ASH2L: variants seen among roughly 807,000 people sequenced by gnomAD.
The protein encoded by ASH2L is ASH2 like, histone lysine methyltransferase complex subunit.
ASH2L carries 30 observed loss-of-function variants against 81.1 expected under a neutral mutation model. The ratio of observed to expected loss-of-function variants is 0.37; its 90% CI spans 0.28 to 0.50. The LOEUF (loss-of-function observed/expected upper bound fraction) is 0.50, where lower values mean the gene tolerates loss of function less well. ASH2L is among the 20% of genes least tolerant of loss of function. ASH2L has a pLI of 0.95. For synonymous variants in ASH2L, 273 were observed against 279.9 expected, an observed-to-expected ratio of 0.98 and a Z score of 0.24; for missense variants, 559 against 792.1, an observed-to-expected ratio of 0.71 and a Z score of 3.53.
intron 12 of ASH2L, among the ~76,000 whole-genome samples, 193 bp downstream of exon 12, chr8:38,129,144 A>G (rs1462276869): frequency 2.0e-5 from 3 of 152,124 alleles, no homozygotes; most frequent in African/African-American, 4.8e-5. Flanking sequence ...CTACCCATCT[A>G]TCATTTGTCT....
intron 5 of ASH2L, among the ~76,000 whole-genome samples, chr8:38,112,624 A>C (rs1810735168): frequency 1.3e-5 from 2 of 152,196 alleles, no homozygotes; most frequent in Admixed American, 1.3e-4. Flanking sequence ...AGACTGTCAC[A>C]TCAGGAGGTA....
At chr8:38,126,398 T>C (rs1801845092) in intron 10 of ASH2L, among the ~76,000 whole-genome samples, 1 of 152,176 alleles carries the variant, frequency 6.6e-6, no homozygotes, top group South Asian at 2.1e-4. Context: ...GAGAAGGGGA[T>C]ATTACTTGGA....
chr8:38,105,538 A>G lies in ASH2L; in HGVS notation c.-13A>G, dbSNP rs764358514. On this transcript the variant is annotated 5_prime_UTR_variant, in exon 1 of 16. Transcript: ENST00000343823. The stretch of plus-strand genomic sequence containing the variant: ...AAGAGAGTATTCTCGCGAGAAGTCC[A>G]GGGGTGGCCGTGATGGCGGCGGCAG... 4.5e-6 allele frequency: 7 copies of G among 1,552,162 alleles called. No individual in the cohort carries two copies. Among genetic ancestry groups the G allele is most frequent in the Non-Finnish European group, 6.1e-6 (7 of 1,147,574 alleles).
At chr8:38,133,676 C>G (rs948059832) in intron 13 of ASH2L, 130 bp downstream of exon 13, 1 of 672,332 alleles carries the variant, frequency 1.5e-6, no homozygotes, top group Non-Finnish European at 2.5e-6. Flanking sequence ...CACTGGCCAG[C>G]GGCAAGCTCA....
chr8:38,120,618 T>TCCCCCCCCCCCCC lies in ASH2L; in HGVS notation c.948-308_948-296dup, dbSNP rs33928804. On this transcript the variant is annotated intron_variant, in intron 9 of 15. Transcript: ENST00000343823. Reference sequence around the variant, plus strand: ...AATCACCCCCATTCCTCTCCTCCCTTCCCCCCCCCCCCCCCCCCGCATAAT... The same window carrying TCCCCCCCCCCCCC: ...AATCACCCCCATTCCTCTCCTCCCTTCCCCCCCCCCCCCCCCCCCCCCCCCCCCCCCGCATAAT... Among the ~76,000 whole-genome samples, 10 of 4,612 alleles carry TCCCCCCCCCCCCC rather than the reference T, an allele frequency of 2.2e-3. 3 individuals are homozygous for TCCCCCCCCCCCCC. The highest frequency in any genetic ancestry group is 8.7e-3 in the Non-Finnish European group (5 of 574). The allele number at this position is 4,612 out of a possible 152,430, so 3.0% of individuals were successfully genotyped here.
At chr8:38,108,419 A>G (rs1810541790) in intron 3 of ASH2L, among the ~76,000 whole-genome samples, 1 of 152,156 alleles carries the variant, frequency 6.6e-6, no homozygotes. Flanking sequence ...GAATCAAATC[A>G]CAGTTCAAAG....
chr8:38,132,245 G>A (rs975327619), intron 12 of ASH2L, among the ~76,000 whole-genome samples: 1 of 152,040 alleles, frequency 6.6e-6, no homozygotes, highest in Non-Finnish European at 1.5e-5. Flanking sequence ...GGGGAAACTG[G>A]GTATAAGGGA....
rs6992721 is a variant in ASH2L at position 38,134,745 on chromosome 8, C to T, written c.1621-923C>T. Among the ~76,000 whole-genome samples the T allele has an allele frequency of 8.7e-3, 1,319 of 152,226 alleles. 27 individuals carry two copies. Among genetic ancestry groups the T allele is most frequent in the African/African-American group, 0.03 (1,229 of 41,540 alleles). Reference sequence around the variant, plus strand: ...GGTGAAATAAAGAAACGAGTTTCAGCTGTTTTTAGGAAAGAAATACTAAAG... The same window carrying T: ...GGTGAAATAAAGAAACGAGTTTCAGTTGTTTTTAGGAAAGAAATACTAAAG... On this transcript the variant is annotated intron_variant, in intron 13 of 15. Coordinates refer to ENST00000343823, the MANE Select transcript of ASH2L (RefSeq NM_004674.5).
chr8:38,130,288 GT>G (rs562730116), intron 12 of ASH2L, among the ~76,000 whole-genome samples: 145 of 53,718 alleles, frequency 2.7e-3, no homozygotes, highest in Non-Finnish European at 3.2e-3. Context: ...GGTATTTTTT[GT>G]TTTTTTTTTT....
chr8:38,136,825 C>T (rs554448416), intron 14 of ASH2L, among the ~76,000 whole-genome samples: 74 of 151,294 alleles, frequency 4.9e-4, no homozygotes, highest in Non-Finnish European at 4.6e-4. Flanking sequence ...GTCGCGGTGG[C>T]TCATGCCTGT....
chr8:38,136,429 G>T (rs190019270), intron 14 of ASH2L, among the ~76,000 whole-genome samples: 106 of 151,276 alleles, frequency 7.0e-4, no homozygotes, highest in Admixed American at 1.1e-3. Flanking sequence ...TATCATTAGG[G>T]CCTGTTGGTT....
chr8:38,136,545 TG>T (rs2130588822), intron 14 of ASH2L, among the ~76,000 whole-genome samples: 1 of 147,982 alleles, frequency 6.8e-6, no homozygotes, highest in South Asian at 2.2e-4. Flanking sequence ...GAGGCCAAGG[TG>T]GGTGGATCAC....
In ASH2L at chr8:38,133,863, C is replaced by T. The variant is rs577326825; in HGVS notation, c.1620+317C>T. On this transcript the variant is annotated intron_variant, in intron 13 of 15. Coordinates refer to ENST00000343823, the MANE Select transcript of ASH2L (RefSeq NM_004674.5). ...TGAGAACGGGCCATGATGACGATGGCGGTTTTGTGGAATAGAAAAGGGGGA... is the reference window on the plus strand; with the variant it reads ...TGAGAACGGGCCATGATGACGATGGTGGTTTTGTGGAATAGAAAAGGGGGA... 1.7e-3 allele frequency among the ~76,000 whole-genome samples: 257 copies of T among 151,864 alleles called. 1 individual carries two copies. The highest frequency in any genetic ancestry group is 3.4e-3 in the Middle Eastern group (1 of 294).
chr8:38,138,906 C>T (rs768677323), intron 15 of ASH2L, 31 bp downstream of exon 15: 1 of 1,613,442 alleles, frequency 6.2e-7, no homozygotes, highest in Non-Finnish European at 8.5e-7. Context: ...CTGCATGTGT[C>T]CTCAGCATCT....
Position 38,107,089 on chromosome 8 carries a change from A to G in ASH2L, c.324A>G (p.Arg108=), listed in dbSNP as rs746275587. The G allele has an allele frequency of 1.9e-6, 3 of 1,614,186 alleles. No homozygotes were observed. The highest frequency in any genetic ancestry group is 1.1e-5 in the South Asian group (1 of 91,084). The part of the protein sequence containing the change: ...QAGSVDEENG[R]QLGEVELQCG... ...GCTCCGTGGATGAAGAGAATGGCCG[A>G]CAGTTGGGTGAGGTAGAGCTGCAAT... The change falls in exon 3 of 16, where the codon CGA becomes CGG. Residue 108 remains arginine (R), a synonymous_variant. Transcript: ENST00000343823.
chr8:38,138,491 C>G (rs1802358418), intron 14 of ASH2L: 1 of 269,232 alleles, frequency 3.7e-6, no homozygotes, highest in Non-Finnish European at 7.0e-6. Flanking sequence ...CTGTAGGTGT[C>G]TGCTTAGCAA....
Position 38,105,574 on chromosome 8 carries a change from T to G in ASH2L, c.24T>G (p.Pro8=). 1 of 1,583,118 alleles carries G rather than the reference T, an allele frequency of 6.3e-7. No individual in the cohort carries two copies. Among genetic ancestry groups the G allele is most frequent in the Non-Finnish European group, 8.6e-7 (1 of 1,163,480 alleles). ...TGATGGCGGCGGCAGGAGCAGGACC[T>G]GGCCAGGAAGCGGGTGCCGGGCCTG... The part of the protein sequence containing the change: MAAAGAG[P]GQEAGAGPGP... The change falls in exon 1 of 16, where the codon CCT becomes CCG. Residue 8 remains proline, a synonymous_variant. Transcript: ENST00000343823.
At chr8:38,129,046 A>C in intron 12 of ASH2L, 95 bp downstream of exon 12, 1 of 1,494,400 alleles carries the variant, frequency 6.7e-7, no homozygotes, top group East Asian at 2.3e-5. Context: ...GAACTGAGCC[A>C]CAGCTCACGT....
At chr8:38,109,233 A>C (rs757103562) in intron 3 of ASH2L, among the ~76,000 whole-genome samples, 1 of 152,226 alleles carries the variant, frequency 6.6e-6, no homozygotes, top group East Asian at 1.9e-4. Context: ...TATCTTTAGT[A>C]TGAGGTTTTG....
Sources: allele counts gnomAD v4.1 joint callset (sites outside exome capture counted in the v4.1 genomes callset), GRCh38; gene constraint gnomAD v4.1.1; transcripts MANE v1.5; gene names NCBI Gene and HGNC (gene_info 2026-07-23, HGNC 2026-07-21).